CBLN2: variants seen among roughly 807,000 people sequenced by gnomAD.
The protein encoded by CBLN2 is cerebellin-2.
In CBLN2, 7 loss-of-function variants were observed where a neutral mutation model predicts 15.0. The ratio of observed to expected loss-of-function variants is 0.47; its 90% CI spans 0.27 to 0.88. The LOEUF is 0.88. Among genes scored for constraint, CBLN2 ranks in the 40% least tolerant of loss-of-function variants. The pLI, the probability that CBLN2 is intolerant of heterozygous loss-of-function variation, is 0.14. For synonymous variants in CBLN2, 149 were observed against 135.2 expected (o/e 1.10, Z -0.71); for missense variants, 242 against 304.5 (o/e 0.79, Z 1.53).
intron 1 of CBLN2, among the ~76,000 whole-genome samples, chr18:72,557,609 A>G (rs1248827146): frequency 6.6e-6 from 1 of 152,198 alleles, no homozygotes; most frequent in Non-Finnish European, 1.5e-5. Context: ...TTGAAAGCAC[A>G]TGGGTGGAGC....
chr18:72,549,315 T>C (rs996129470), upstream of CBLN2, among the ~76,000 whole-genome samples: 1 of 152,202 alleles, frequency 6.6e-6, no homozygotes, highest in Non-Finnish European at 1.5e-5. Flanking sequence ...GCCAGCAACA[T>C]TTCTAACAAG....
intron 1 of CBLN2, among the ~76,000 whole-genome samples, chr18:72,608,270 C>T (rs2069597366): frequency 6.6e-6 from 1 of 152,190 alleles, no homozygotes; most frequent in Non-Finnish European, 1.5e-5. Context: ...CCTCTGACTT[C>T]TTTTCTCCTG....
intron 1 of CBLN2, among the ~76,000 whole-genome samples, chr18:72,554,745 A>G (rs694339): frequency 0.75 from 113,699 of 152,012 alleles, 48,691 homozygotes; most frequent in Non-Finnish European, 0.97. Context: ...AGTCCTCAAT[A>G]AAAACGTTAA....
intron 1 of CBLN2, among the ~76,000 whole-genome samples, chr18:72,623,580 G>A (rs903697570): frequency 1.3e-5 from 2 of 152,106 alleles, no homozygotes; most frequent in African/African-American, 4.8e-5. Flanking sequence ...AAGAGCTGAA[G>A]CCTGATGACT....
chr18:72,633,400 C>T (rs2069790051), intron 1 of CBLN2, among the ~76,000 whole-genome samples: 1 of 152,138 alleles, frequency 6.6e-6, no homozygotes, highest in African/African-American at 2.4e-5. Flanking sequence ...GACACGGCTA[C>T]ATTTGTTACT....
intron 1 of CBLN2, among the ~76,000 whole-genome samples, chr18:72,633,006 C>T (rs1257541217): frequency 1.3e-5 from 2 of 152,166 alleles, no homozygotes; most frequent in African/African-American, 2.4e-5. Flanking sequence ...CTTAGTGTAA[C>T]TATAGCTCAA....
chr18:72,627,838 T>C (rs2069750475), intron 1 of CBLN2, among the ~76,000 whole-genome samples: 3 of 152,246 alleles, frequency 2.0e-5, no homozygotes, highest in Non-Finnish European at 2.9e-5. Flanking sequence ...AGTTGTTCTA[T>C]TTCTTATATG....
intron 1 of CBLN2, among the ~76,000 whole-genome samples, chr18:72,606,433 C>T (rs1599020410): frequency 3.3e-5 from 5 of 152,140 alleles, no homozygotes; most frequent in Admixed American, 2.6e-4. Context: ...GTCAACTCCC[C>T]TACATAAGCC....
chr18:72,577,402 G>T (rs2069375260), intron 1 of CBLN2, among the ~76,000 whole-genome samples: 1 of 152,034 alleles, frequency 6.6e-6, no homozygotes, highest in Non-Finnish European at 1.5e-5. Context: ...TATTTTTATT[G>T]TATTGGTGAC....
chr18:72,551,706 G>C (rs187549386), intron 1 of CBLN2, among the ~76,000 whole-genome samples: 2 of 152,292 alleles, frequency 1.3e-5, no homozygotes, highest in African/African-American at 2.4e-5. Context: ...ACCATGCTGA[G>C]ATTATTCAGA....
intron 1 of CBLN2, chr18:72,618,501 G>C (rs2069677969): frequency 1.5e-6 from 1 of 678,460 alleles, no homozygotes; most frequent in South Asian, 1.4e-5. Flanking sequence ...GTCACACAAG[G>C]TGGATGCAAG....
intron 1 of CBLN2, among the ~76,000 whole-genome samples, chr18:72,587,135 A>T (rs2069449126): frequency 6.6e-6 from 1 of 152,032 alleles, no homozygotes; most frequent in South Asian, 2.1e-4. Flanking sequence ...GTTTTAATTT[A>T]TTTTTTGTCA....
At chr18:72,595,343 C>T (rs12232664) in intron 1 of CBLN2, among the ~76,000 whole-genome samples, 81,553 of 151,826 alleles carry the variant, frequency 0.54, 25,980 homozygotes, top group Non-Finnish European at 0.73. Context: ...GCTTTCAAAA[C>T]TCCTCTTGTT....
chr18:72,604,265 A>C (rs1031517525), intron 1 of CBLN2, among the ~76,000 whole-genome samples: 1 of 152,216 alleles, frequency 6.6e-6, no homozygotes, highest in African/African-American at 2.4e-5. Context: ...TAATTAAAGC[A>C]ATGCTTCATT....
At position 72,597,739 on chromosome 18, in the gene CBLN2, C is replaced by T. The variant is rs564950063; in HGVS notation, c.15+40586G>A. Among the ~76,000 whole-genome samples the T allele has an allele frequency of 7.2e-5, 11 of 152,318 alleles. No individual in the cohort carries two copies. In the South Asian group the frequency reaches 1.2e-3, roughly 17 times the overall value. On this transcript the variant is annotated intron_variant, in intron 1 of 2. Transcript: ENST00000581073. The stretch of plus-strand genomic sequence containing the variant: ...GGTGTTCTATTCTACTGAGGCTGAG[C>T]TGGCACCCAAGTCACAAGACAAAGT...
chr18:72,590,965 C>T (rs760266390), intron 1 of CBLN2, among the ~76,000 whole-genome samples: 17 of 152,160 alleles, frequency 1.1e-4, no homozygotes, highest in Non-Finnish European at 1.0e-4. Context: ...CCATTTGTTT[C>T]TCTGTCTTTG....
At chr18:72,613,454 T>C (rs2069636821) in intron 1 of CBLN2, among the ~76,000 whole-genome samples, 1 of 151,838 alleles carries the variant, frequency 6.6e-6, no homozygotes, top group Non-Finnish European at 1.5e-5. Flanking sequence ...ATTTTTAAAT[T>C]ATTATTAGTA....
intron 1 of CBLN2, among the ~76,000 whole-genome samples, chr18:72,580,192 G>C (rs2069393901): frequency 6.6e-6 from 1 of 151,914 alleles, no homozygotes; most frequent in Non-Finnish European, 1.5e-5. Flanking sequence ...AAAATGACTA[G>C]AAATGTTCTT....
At chr18:72,538,451 C>A in intron 4 of CBLN2, 78 bp from the exon 5 acceptor site, 1 of 1,506,096 alleles carries the variant, frequency 6.6e-7, no homozygotes. Flanking sequence ...TGCCAATATC[C>A]CCACTCCCAC....
Sources: allele counts gnomAD v4.1 joint callset (sites outside exome capture counted in the v4.1 genomes callset), GRCh38; gene constraint gnomAD v4.1.1; transcripts MANE v1.5; gene names NCBI Gene and HGNC (gene_info 2026-07-23, HGNC 2026-07-21).